PDLIM1: variants seen among roughly 807,000 people sequenced by gnomAD.
The protein encoded by PDLIM1 is PDZ and LIM domain 1, also known as PDZ and LIM domain protein 1.
PDLIM1 carries 25 observed loss-of-function variants against 35.2 expected under a neutral mutation model. That is an observed-to-expected ratio of 0.71 (90% CI 0.52 to 0.99). The LOEUF (loss-of-function observed/expected upper bound fraction) is 0.99. Ranked by LOEUF, PDLIM1 falls within the 50% of genes least tolerant of loss-of-function variation. The probability of loss-of-function intolerance (pLI) is 0.00; values close to 1 mark genes in which losing one functional copy is unlikely to be tolerated. For missense variants in PDLIM1, 363 were observed against 415.3 expected, an observed-to-expected ratio of 0.87 and a Z score of 1.09; for synonymous variants, 152 against 154.0, an observed-to-expected ratio of 0.99 and a Z score of 0.10.
chr10:95,282,513 GA>G (rs2035569276), intron 1 of PDLIM1, among the ~76,000 whole-genome samples: 1 of 152,196 alleles, frequency 6.6e-6, no homozygotes, highest in African/African-American at 2.4e-5. Context: ...GGTGCAAAAA[GA>G]AGTTATTAGT....
chr10:95,265,593 CAAAAAAAAAAAAAAAA>C (rs56893525), intron 3 of PDLIM1, among the ~76,000 whole-genome samples: 2 of 84,000 alleles, frequency 2.4e-5, no homozygotes, highest in East Asian at 6.8e-4. Context: ...GGAACTCTGT[CAAAAAAAAAAAAAAAA>C]AAAAAAAAAA....
At chr10:95,238,936 C>T (rs2035150789) in intron 5 of PDLIM1, 1 of 379,076 alleles carries the variant, frequency 2.6e-6, no homozygotes, top group Admixed American at 3.8e-5. Context: ...AACAATAAAG[C>T]TGGAAGCATC....
At chr10:95,286,334 G>A (rs2035601533) in intron 1 of PDLIM1, among the ~76,000 whole-genome samples, 2 of 150,340 alleles carry the variant, frequency 1.3e-5, no homozygotes, top group Non-Finnish European at 3.0e-5. Flanking sequence ...TCTAGCCTGG[G>A]CAACAGAGCG....
chr10:95,283,782 AC>A (rs1337625652), intron 1 of PDLIM1, among the ~76,000 whole-genome samples: 11 of 152,332 alleles, frequency 7.2e-5, no homozygotes, highest in Admixed American at 7.2e-4. Flanking sequence ...TACAGAGCAC[AC>A]CCAAGGAAAC....
chr10:95,247,807 G>A (rs1001115740), intron 4 of PDLIM1, among the ~76,000 whole-genome samples: 3 of 152,194 alleles, frequency 2.0e-5, no homozygotes, highest in Non-Finnish European at 2.9e-5. Context: ...ATTCATTCCC[G>A]ACGATCTCAC....
intron 4 of PDLIM1, among the ~76,000 whole-genome samples, chr10:95,256,384 CA>C (rs35957475): frequency 1.4e-4 from 22 of 152,066 alleles, no homozygotes; most frequent in African/African-American, 3.9e-4. Flanking sequence ...CCTAAATAGC[CA>C]AAACAACCTT....
rs538896067 is a variant in PDLIM1 at position 95,290,659 on chromosome 10, G to A, written c.96+161C>T. 4.7e-4 allele frequency among the ~76,000 whole-genome samples: 72 copies of A among 151,826 alleles called. No individual in the cohort carries two copies. The highest frequency in any genetic ancestry group is 1.7e-3 in the African/African-American group (72 of 41,464). ...AGCCTCCGCGAAGGGGCGGCGGGGA[G>A]CGGCGGGGCCCGGGCGCGCGGAGAG... On this transcript the variant is annotated intron_variant, in intron 1 of 6. Transcript: ENST00000329399. The surrounding 1 kb of genome is among the most constrained non-coding windows in gnomAD (Gnocchi z 4.7).
At chr10:95,246,211 C>T (rs1038665973) in intron 5 of PDLIM1, among the ~76,000 whole-genome samples, 1 of 152,208 alleles carries the variant, frequency 6.6e-6, no homozygotes, top group Non-Finnish European at 1.5e-5. Flanking sequence ...CCATGAGCAT[C>T]ACAGGAGGTG....
intron 4 of PDLIM1, among the ~76,000 whole-genome samples, chr10:95,257,363 G>C (rs2035325200): frequency 6.6e-6 from 1 of 151,354 alleles, no homozygotes; most frequent in South Asian, 2.1e-4. Flanking sequence ...TACCACAAAG[G>C]AAACAACAGA....
intron 1 of PDLIM1, chr10:95,272,938 C>A (rs1021702129): frequency 1.3e-5 from 2 of 152,134 alleles, no homozygotes; most frequent in Non-Finnish European, 2.9e-5. Context: ...GGACTCAATA[C>A]ATATCACATC....
chr10:95,290,849 C>T lies in PDLIM1; in HGVS notation c.67G>A (p.Asp23Asn). The change falls in exon 1 of 7, where the codon GAC becomes AAC. Residue 23 changes from aspartate (D) to asparagine (N), a missense_variant. Asp to Asn is a conservative substitution (Grantham distance 23, BLOSUM62 1). Coordinates refer to ENST00000329399, the MANE Select transcript of PDLIM1 (RefSeq NM_020992.4). The surrounding 1 kb of genome is among the most constrained non-coding windows in gnomAD (Gnocchi z 4.7). ...GAAATGGCGAGAGGCTGCTCGAAGT[C>T]CTTGCCGCCCACGAGGCGGAAGCCC... ...PWGFRLVGGK[D>N]FEQPLAISRV... The T allele has an allele frequency of 6.4e-7, 1 of 1,564,798 alleles. No individual in the cohort carries two copies. The highest frequency in any genetic ancestry group is 8.7e-7 in the Non-Finnish European group (1 of 1,155,330).
intron 4 of PDLIM1, among the ~76,000 whole-genome samples, chr10:95,256,559 T>A (rs1564600550): frequency 1.3e-5 from 2 of 152,220 alleles, no homozygotes; most frequent in Non-Finnish European, 2.9e-5. Context: ...TGTCAAATGA[T>A]CTTCAACAAG....
chr10:95,238,102 A>G lies in PDLIM1; in HGVS notation c.813T>C (p.Phe271=), dbSNP rs774118628. 2 of 1,613,762 alleles carry G rather than the reference A, an allele frequency of 1.2e-6. No homozygotes were observed. The highest frequency in any genetic ancestry group is 3.3e-5 in the Admixed American group (2 of 59,994). The change falls in exon 7 of 7, where the codon TTT becomes TTC. Residue 271 remains phenylalanine (F), a synonymous_variant. Transcript: ENST00000329399. ...DKCGTGIVGV[F]VKLRDRHRHP... is the part of the protein sequence containing the mutation. ...GGCGGTGACGGTCCCGCAGCTTCAC[A>G]AACACACCACTACAGAAGCAAGGGA...
At chr10:95,275,171 C>A (rs2035500290) in intron 1 of PDLIM1, among the ~76,000 whole-genome samples, 1 of 152,188 alleles carries the variant, frequency 6.6e-6, no homozygotes, top group Admixed American at 6.5e-5. Flanking sequence ...AAGATGCGAA[C>A]TCAACACACT....
chr10:95,285,451 T>C (rs1261809312), intron 1 of PDLIM1, among the ~76,000 whole-genome samples: 2 of 152,136 alleles, frequency 1.3e-5, no homozygotes, highest in Admixed American at 1.3e-4. Context: ...TTATGGCTTA[T>C]TAGGAGGCAG....
rs2035139036 is a variant in PDLIM1, at chr10:95,237,859, G to A, written c.*66C>T. ...CAGAGAACTTTCAAGAGAGGAGAGG[G>A]CCAGAACACTGAGAGAAAAAGCTGC... On this transcript the variant is annotated 3_prime_UTR_variant, in exon 7 of 7. Transcript: ENST00000329399. 1 of 1,401,240 alleles carries A rather than the reference G, an allele frequency of 7.1e-7. No individual in the cohort carries two copies. Among genetic ancestry groups the A allele is most frequent in the African/African-American group, 1.4e-5 (1 of 70,896 alleles). 86.8% of individuals were successfully genotyped at this position (1,401,240 alleles called of 1,614,324 possible). A position where few individuals can be genotyped will look rare whatever the true frequency, so the allele number is the denominator to read the frequency against.
At chr10:95,272,536 C>T (rs1334625846) in intron 1 of PDLIM1, among the ~76,000 whole-genome samples, 4 of 151,858 alleles carry the variant, frequency 2.6e-5, no homozygotes, top group Admixed American at 6.6e-5. Context: ...AAAAATTAGC[C>T]GGGTGTGATC....
In PDLIM1 at chr10:95,272,214, A is replaced by C. The variant is rs186285991; in HGVS notation, c.97-430T>G. ...ATTAGTTAACAATTACATTTAAAAA[A>C]ACACACACACACACATTTAGAGAAC... On this transcript the variant is annotated intron_variant, in intron 1 of 6. Coordinates refer to ENST00000329399, the MANE Select transcript of PDLIM1 (RefSeq NM_020992.4). Among the ~76,000 whole-genome samples, 426 of 152,166 alleles carry C rather than the reference A, an allele frequency of 2.8e-3. 2 individuals carry two copies. Among genetic ancestry groups the C allele is most frequent in the Non-Finnish European group, 4.0e-3 (272 of 67,990 alleles).
intron 1 of PDLIM1, among the ~76,000 whole-genome samples, chr10:95,282,846 A>T (rs750705566): frequency 4.3e-4 from 65 of 152,198 alleles, no homozygotes; most frequent in Non-Finnish European, 2.5e-4. Flanking sequence ...TGGGAGGCTG[A>T]GGTGGGAGGA....
Sources: gnomAD v4.1 joint callset for allele counts (sites outside exome capture counted in the v4.1 genomes callset) on GRCh38, gnomAD v4.1.1 for gene constraint, Gnocchi (gnomAD v3.1) non-coding constraint, MANE v1.5 for transcripts, NCBI Gene and HGNC (gene_info 2026-07-23, HGNC 2026-07-21) for gene names.